The following NKX2-8 variants were observed in gnomAD, a reference collection of about 807,000 sequenced individuals.
NKX2-8 encodes homeobox protein Nkx-2.8.
NKX2-8 carries 8 observed loss-of-function variants against 6.4 expected under a neutral mutation model. The observed-to-expected ratio is 1.24, with a 90% CI of 0.73 to 2.24. The LOEUF is 2.24. NKX2-8 is among the 30% of genes most tolerant of loss of function. The pLI is 0.00. For synonymous variants in NKX2-8, 216 were observed against 171.5 expected, an observed-to-expected ratio of 1.26 and a Z score of -2.03; for missense variants, 406 against 351.1, an observed-to-expected ratio of 1.16 and a Z score of -1.25.
In NKX2-8 at chr14:36,582,313, G is replaced by C. The variant is rs1254751087; in HGVS notation, c.77C>G (p.Pro26Arg). 1.2e-6 allele frequency: 2 copies of C among 1,607,670 alleles called. No individual in the cohort carries two copies. The highest frequency in any genetic ancestry group is 1.7e-6 in the Non-Finnish European group (2 of 1,176,736). Residue 26 changes from proline (P) to arginine (R), a missense_variant, in exon 1 of 2, where the codon CCG becomes CGG. Physicochemically the swap from Pro to Arg is moderately radical, Grantham distance 103 (BLOSUM62 -2). Coordinates refer to ENST00000258829, the MANE Select transcript of NKX2-8 (RefSeq NM_014360.4). ...GGCGCGTGGTTCTGGCTCCCGCCTCGGCAGGTGTTGCGCGTCCTGCTCGGG... is the reference window on the plus strand; with the variant it reads ...GGCGCGTGGTTCTGGCTCCCGCCTCCGCAGGTGTTGCGCGTCCTGCTCGGG... ...DLPEQDAQHL[P>R]RREPEPRAPQ...
In NKX2-8 at chr14:36,581,175, C is replaced by T; in HGVS notation, c.447G>A (p.Glu149=). The T allele has an allele frequency of 6.3e-7, 1 of 1,598,374 alleles. No individual in the cohort carries two copies. Among genetic ancestry groups the T allele is most frequent in the African/African-American group, 1.3e-5 (1 of 74,816 alleles). Residue 149 remains glutamate, a synonymous_variant, in exon 2 of 2, where the codon GAG becomes GAA. Coordinates refer to ENST00000258829, the MANE Select transcript of NKX2-8 (RefSeq NM_014360.4). This position sits in a 1 kb window ranked among gnomAD's most constrained non-coding sequence, Gnocchi z 5.6. ...CGGCGGATGCTGCCAGGTCAGGCGA[C>T]TCCGCCGCCCCTGGAGCGCGAGCGC... The part of the protein sequence containing the change: ...LKRARAPGAA[E]SPDLAASAEL...
At position 36,580,704 on chromosome 14, in the gene NKX2-8, A is replaced by G. The variant is rs1021218078; in HGVS notation, c.*198T>C. On this transcript the variant is annotated 3_prime_UTR_variant, in exon 2 of 2. Coordinates refer to ENST00000258829, the MANE Select transcript of NKX2-8 (RefSeq NM_014360.4). ...TGGGGCTGGCGGTGGAGGGAAGGTG[A>G]GGGAGGGGGCTCTGGCACACGTCCC... The G allele has an allele frequency of 7.5e-6, 3 of 398,324 alleles. No individual in the cohort carries two copies. Among genetic ancestry groups the G allele is most frequent in the African/African-American group, 2.1e-5 (1 of 48,546 alleles). 24.7% of individuals were successfully genotyped at this position (398,324 alleles called of 1,614,324 possible). A position where few individuals can be genotyped will look rare whatever the true frequency, so the allele number is the denominator to read the frequency against.
At position 36,580,173 on chromosome 14, in the gene NKX2-8, C is replaced by A. The variant is rs1249715994; in HGVS notation, c.*729G>T. ...CCGGTGCAGCGCGCCCCGCACCTGGCCTCGCCGGCTCATCTCCGGAGAAAC... is the reference window on the plus strand; with the variant it reads ...CCGGTGCAGCGCGCCCCGCACCTGGACTCGCCGGCTCATCTCCGGAGAAAC... On this transcript the variant is annotated 3_prime_UTR_variant, in exon 2 of 2. Coordinates refer to ENST00000258829, the MANE Select transcript of NKX2-8 (RefSeq NM_014360.4). Among the ~76,000 whole-genome samples the A allele has an allele frequency of 6.6e-6, 1 of 152,204 alleles. No homozygotes were observed. Among genetic ancestry groups the A allele is most frequent in the African/African-American group, 2.4e-5 (1 of 41,444 alleles).
Position 36,581,486 on chromosome 14 carries a change from C to G in NKX2-8, c.158-22G>C, listed in dbSNP as rs762114401. The G allele has an allele frequency of 2.7e-6, 4 of 1,508,120 alleles. No homozygotes were observed. The highest frequency in any genetic ancestry group is 3.5e-6 in the Non-Finnish European group (4 of 1,130,822). The allele number at this position is 1,508,120 out of a possible 1,614,324, so 93.4% of individuals were successfully genotyped here. ...GAGGCTAGGGACAGCAAAGGAGACACGGGTGGGTGAGACGCCGGACCCTAC... is the reference window on the plus strand; with the variant it reads ...GAGGCTAGGGACAGCAAAGGAGACAGGGGTGGGTGAGACGCCGGACCCTAC... On this transcript the variant is annotated intron_variant, in intron 1 of 1. Coordinates refer to ENST00000258829, the MANE Select transcript of NKX2-8 (RefSeq NM_014360.4). The surrounding 1 kb of genome is among the most constrained non-coding windows in gnomAD (Gnocchi z 5.6).
Position 36,580,913 on chromosome 14 carries a change from A to T in NKX2-8, c.709T>A (p.Trp237Arg). The T allele has an allele frequency of 7.5e-7, 1 of 1,325,534 alleles. No homozygotes were observed. The highest frequency in any genetic ancestry group is 9.6e-7 in the Non-Finnish European group (1 of 1,045,102). The allele number at this position is 1,325,534 out of a possible 1,614,324, so 82.1% of individuals were successfully genotyped here. A position where few individuals can be genotyped will look rare whatever the true frequency, so the allele number is the denominator to read the frequency against. Residue 237 changes from tryptophan to arginine, a missense_variant, in exon 2 of 2, where the codon TGG becomes AGG. Coordinates refer to ENST00000258829, the MANE Select transcript of NKX2-8 (RefSeq NM_014360.4). ...QHLASPALVSWNW is the reference protein window; with the variant it reads ...QHLASPALVSRNW Reference sequence around the variant, plus strand: ...GCCGCCCTGCGGCCTCACCAGTTCCAGGAGACCAGGGCGGGGGATGCTAAG... The same window carrying T: ...GCCGCCCTGCGGCCTCACCAGTTCCTGGAGACCAGGGCGGGGGATGCTAAG...
In NKX2-8 at chr14:36,580,204, C is replaced by T. The variant is rs1246401648; in HGVS notation, c.*698G>A. 2.0e-5 allele frequency among the ~76,000 whole-genome samples: 3 copies of T among 152,210 alleles called. No individual in the cohort carries two copies. The East Asian group carries it at 5.8e-4, about 29-fold the overall frequency. On this transcript the variant is annotated 3_prime_UTR_variant, in exon 2 of 2. Coordinates refer to ENST00000258829, the MANE Select transcript of NKX2-8 (RefSeq NM_014360.4). Reference sequence around the variant, plus strand: ...CGGCTCATCTCCGGAGAAACTCCTTCTGCCCTGTCGTGGTCCACAGGGTTG... The same window carrying T: ...CGGCTCATCTCCGGAGAAACTCCTTTTGCCCTGTCGTGGTCCACAGGGTTG...
chr14:36,581,376 C>T lies in NKX2-8; in HGVS notation c.246G>A (p.Glu82=). Residue 82 remains glutamate (E), a synonymous_variant, in exon 2 of 2, where the codon GAG becomes GAA. Transcript: ENST00000258829. This position sits in a 1 kb window ranked among gnomAD's most constrained non-coding sequence, Gnocchi z 5.6. ...ATAGCACCCGCCGCTTCTTCCTTTT[C>T]TCGGCGTCCGAGCCCGGAGACGCGG... ...ARPASPGSDA[E]KRKKRRVLFS... is the part of the protein sequence containing the mutation. The T allele has an allele frequency of 1.5e-5, 24 of 1,592,078 alleles. No individual in the cohort carries two copies. Among genetic ancestry groups the T allele is most frequent in the Non-Finnish European group, 2.0e-5 (23 of 1,169,642 alleles).
rs1879231035 is a variant in NKX2-8 at position 36,581,357 on chromosome 14, C to T, written c.265G>A (p.Val89Met). 19 of 1,581,480 alleles carry T rather than the reference C, an allele frequency of 1.2e-5. No homozygotes were observed. Among genetic ancestry groups the T allele is most frequent in the Non-Finnish European group, 1.5e-5 (18 of 1,163,512 alleles). Reference protein sequence around the residue: ...SDAEKRKKRRVLFSKAQTLEL... With the variant: ...SDAEKRKKRRMLFSKAQTLEL... Reference sequence around the variant, plus strand: ...AGCGTCTGCGCCTTGGAGAATAGCACCCGCCGCTTCTTCCTTTTCTCGGCG... The same window carrying T: ...AGCGTCTGCGCCTTGGAGAATAGCATCCGCCGCTTCTTCCTTTTCTCGGCG... The change falls in exon 2 of 2, where the codon GTG becomes ATG. Residue 89 changes from valine to methionine, a missense_variant. By Grantham distance (21) the Val-to-Met change is conservative. Transcript: ENST00000258829. The surrounding 1 kb of genome is among the most constrained non-coding windows in gnomAD (Gnocchi z 5.6).
In NKX2-8 at chr14:36,581,409, G is replaced by A; in HGVS notation, c.213C>T (p.Ser71=). The A allele has an allele frequency of 6.3e-7, 1 of 1,594,050 alleles. No individual in the cohort carries two copies. Among genetic ancestry groups the A allele is most frequent in the East Asian group, 2.3e-5 (1 of 44,192 alleles). ...CCGAGCCCGGAGACGCGGGCCTAGC[G>A]GACGGCCGCTGCGACGAGTCTGGCG... is the stretch of plus-strand genomic sequence containing the variant. ...TSPPDSSQRP[S]ARPASPGSDA... is the part of the protein sequence containing the mutation. The change falls in exon 2 of 2, where the codon TCC becomes TCT. Residue 71 remains serine (S), a synonymous_variant. Coordinates refer to ENST00000258829, the MANE Select transcript of NKX2-8 (RefSeq NM_014360.4). The surrounding 1 kb of genome is among the most constrained non-coding windows in gnomAD (Gnocchi z 5.6).
Position 36,582,470 on chromosome 14 carries a change from T to A in NKX2-8, c.-81A>T. 1 of 1,346,672 alleles carries A rather than the reference T, an allele frequency of 7.4e-7. No homozygotes were observed. The highest frequency in any genetic ancestry group is 9.9e-7 in the Non-Finnish European group (1 of 1,009,808). 83.4% of individuals were successfully genotyped at this position (1,346,672 alleles called of 1,614,324 possible). A position where few individuals can be genotyped will look rare whatever the true frequency, so the allele number is the denominator to read the frequency against. On this transcript the variant is annotated 5_prime_UTR_variant, in exon 1 of 2. Transcript: ENST00000258829. ...GGGACGCCGCTCCTACGGATGGGCGTGGGAGGCGCTCGCCATGCGCTGGCA... is the reference window on the plus strand; with the variant it reads ...GGGACGCCGCTCCTACGGATGGGCGAGGGAGGCGCTCGCCATGCGCTGGCA...
In NKX2-8 at chr14:36,581,393, G is replaced by A; in HGVS notation, c.229C>T (p.Pro77Ser). The A allele has an allele frequency of 6.3e-7, 1 of 1,596,744 alleles. No homozygotes were observed. The highest frequency in any genetic ancestry group is 8.5e-7 in the Non-Finnish European group (1 of 1,172,354). ...SQRPSARPAS[P>S]GSDAEKRKKR... ...TTCCTTTTCTCGGCGTCCGAGCCCGGAGACGCGGGCCTAGCGGACGGCCGC... is the reference window on the plus strand; with the variant it reads ...TTCCTTTTCTCGGCGTCCGAGCCCGAAGACGCGGGCCTAGCGGACGGCCGC... Residue 77 changes from proline to serine, a missense_variant, in exon 2 of 2, where the codon CCG becomes TCG. By Grantham distance (74) the Pro-to-Ser change is moderately conservative. Coordinates refer to ENST00000258829, the MANE Select transcript of NKX2-8 (RefSeq NM_014360.4). The surrounding 1 kb of genome is among the most constrained non-coding windows in gnomAD (Gnocchi z 5.6).
rs1197868432 is a variant in NKX2-8, at chr14:36,582,486, T to G, written c.-97A>C. On this transcript the variant is annotated 5_prime_UTR_variant, in exon 1 of 2. An upstream start codon of the reference 5' UTR is lost. Transcript: ENST00000258829. ...GGATGGGCGTGGGAGGCGCTCGCCA[T>G]GCGCTGGCAGCCGGGATATTAGCGC... The G allele has an allele frequency of 4.1e-6, 5 of 1,214,506 alleles. No individual in the cohort carries two copies. The African/African-American group carries it at 6.2e-5, about 15-fold the overall frequency. 75.2% of individuals were successfully genotyped at this position (1,214,506 alleles called of 1,614,324 possible).
chr14:36,582,553 C>T lies in NKX2-8; in HGVS notation c.-164G>A. The T allele has an allele frequency of 1.5e-6, 1 of 645,330 alleles. No individual in the cohort carries two copies. Among genetic ancestry groups the T allele is most frequent in the Non-Finnish European group, 2.4e-6 (1 of 414,336 alleles). 40.0% of individuals were successfully genotyped at this position (645,330 alleles called of 1,614,324 possible). A position where few individuals can be genotyped will look rare whatever the true frequency, so the allele number is the denominator to read the frequency against. ...CTGTTTATATAAACAGCTCTTCCCA[C>T]CCAGGCCGCTTTGAAAGCCGAGGTC... is the stretch of plus-strand genomic sequence containing the variant. On this transcript the variant is annotated 5_prime_UTR_variant, in exon 1 of 2. It adds an upstream start codon to the 5' untranslated region. Transcript: ENST00000258829.
In NKX2-8 at chr14:36,582,445, G is replaced by T. The variant is rs996968798; in HGVS notation, c.-56C>A. On this transcript the variant is annotated 5_prime_UTR_variant, in exon 1 of 2. Transcript: ENST00000258829. ...GCAGGCTGGGAACGGAGGGGCGGCC[G>T]GGACGCCGCTCCTACGGATGGGCGT... 25 of 1,412,992 alleles carry T rather than the reference G, an allele frequency of 1.8e-5. No individual in the cohort carries two copies. The highest frequency in any genetic ancestry group is 2.3e-5 in the Non-Finnish European group (25 of 1,071,562). 87.5% of individuals were successfully genotyped at this position (1,412,992 alleles called of 1,614,324 possible).
At position 36,580,611 on chromosome 14, in the gene NKX2-8, TA is replaced by T. The variant is rs1377916964; in HGVS notation, c.*290del. The T allele has an allele frequency of 1.8e-5, 6 of 332,506 alleles. No homozygotes were observed. The highest frequency in any genetic ancestry group is 3.2e-5 in the Non-Finnish European group (6 of 184,784). 20.6% of individuals were successfully genotyped at this position (332,506 alleles called of 1,614,324 possible). A position where few individuals can be genotyped will look rare whatever the true frequency, so the allele number is the denominator to read the frequency against. ...AAAAATACTCTATTTTTTAAAAAAA[TA>T]ACTTGCTTCCTATACAAATCGCTAT... is the stretch of plus-strand genomic sequence containing the variant. On this transcript the variant is annotated 3_prime_UTR_variant, in exon 2 of 2. Coordinates refer to ENST00000258829, the MANE Select transcript of NKX2-8 (RefSeq NM_014360.4).
Position 36,581,274 on chromosome 14 carries a change from C to T in NKX2-8, c.348G>A (p.Gln116=). Residue 116 remains glutamine, a synonymous_variant, in exon 2 of 2, where the codon CAG becomes CAA. Transcript: ENST00000258829. This position sits in a 1 kb window ranked among gnomAD's most constrained non-coding sequence, Gnocchi z 5.6. Reference sequence around the variant, plus strand: ...GCGTGAGGCGAAGCAGGCTCGCCAGCTGCTCGCGCTCGGGCGCAGACAGGT... The same window carrying T: ...GCGTGAGGCGAAGCAGGCTCGCCAGTTGCTCGCGCTCGGGCGCAGACAGGT... ...QRYLSAPERE[Q]LASLLRLTPT... 1.9e-6 allele frequency: 3 copies of T among 1,604,260 alleles called. No homozygotes were observed. The highest frequency in any genetic ancestry group is 2.6e-6 in the Non-Finnish European group (3 of 1,176,226).
In NKX2-8 at chr14:36,580,121, A is replaced by C. The variant is rs1879166533; in HGVS notation, c.*781T>G. Reference sequence around the variant, plus strand: ...AGCACTTGGCTCCTGCACTCTGGAAACAGCTTGCGGCCCGGCCTGGGCTGC... The same window carrying C: ...AGCACTTGGCTCCTGCACTCTGGAACCAGCTTGCGGCCCGGCCTGGGCTGC... On this transcript the variant is annotated 3_prime_UTR_variant, in exon 2 of 2. Transcript: ENST00000258829. Among the ~76,000 whole-genome samples the C allele has an allele frequency of 6.6e-6, 1 of 152,074 alleles. No homozygotes were observed. Among genetic ancestry groups the C allele is most frequent in the African/African-American group, 2.4e-5 (1 of 41,410 alleles).
At position 36,582,391 on chromosome 14, in the gene NKX2-8, G is replaced by A. The variant is rs1331891224; in HGVS notation, c.-2C>T. On this transcript the variant is annotated 5_prime_UTR_variant, in exon 1 of 2. Coordinates refer to ENST00000258829, the MANE Select transcript of NKX2-8 (RefSeq NM_014360.4). ...GCTCAGGCGTCCAGAGGTGGCCATGGCCGAGGAGGGGAAGGAGGCGGGGGC... is the reference window on the plus strand; with the variant it reads ...GCTCAGGCGTCCAGAGGTGGCCATGACCGAGGAGGGGAAGGAGGCGGGGGC... 38 of 1,490,994 alleles carry A rather than the reference G, an allele frequency of 2.5e-5. No individual in the cohort carries two copies. The highest frequency in any genetic ancestry group is 3.3e-5 in the Non-Finnish European group (37 of 1,110,578). The allele number at this position is 1,490,994 out of a possible 1,614,324, so 92.4% of individuals were successfully genotyped here.
At position 36,582,290 on chromosome 14, in the gene NKX2-8, C is replaced by T. The variant is rs768040724; in HGVS notation, c.100G>A (p.Ala34Thr). 1.2e-5 allele frequency: 19 copies of T among 1,608,042 alleles called. No individual in the cohort carries two copies. Among genetic ancestry groups the T allele is most frequent in the Non-Finnish European group, 1.4e-5 (17 of 1,177,102 alleles). ...GCGGCGCAGGGGTCGGGCTGGGGGG[C>T]GCGTGGTTCTGGCTCCCGCCTCGGC... is the stretch of plus-strand genomic sequence containing the variant. The part of the protein sequence containing the change: ...HLPRREPEPR[A>T]PQPDPCAAWL... Residue 34 changes from alanine to threonine, a missense_variant, in exon 1 of 2, where the codon GCC (alanine) becomes ACC (threonine). Transcript: ENST00000258829.
Sources: gnomAD v4.1 joint callset for allele counts (sites outside exome capture counted in the v4.1 genomes callset) on GRCh38, gnomAD v4.1.1 for gene constraint, Gnocchi (gnomAD v3.1) non-coding constraint, MANE v1.5 for transcripts, NCBI Gene and HGNC (gene_info 2026-07-23, HGNC 2026-07-21) for gene names.